The following TMEM108 variants were observed in gnomAD, a reference collection of about 807,000 sequenced individuals.
TMEM108 encodes cancer/testis antigen 124.
Under a neutral mutation model 35.1 loss-of-function variants are expected in TMEM108, and 12 were observed. The ratio of observed to expected loss-of-function variants is 0.34; its 90% CI spans 0.22 to 0.55. The LOEUF (loss-of-function observed/expected upper bound fraction) is 0.55. Among genes scored for constraint, TMEM108 ranks in the 20% least tolerant of loss-of-function variants. The pLI, the probability that TMEM108 is intolerant of heterozygous loss-of-function variation, is 0.89. For synonymous variants in TMEM108, 287 were observed against 308.6 expected, an observed-to-expected ratio of 0.93 and a Z score of 0.73; for missense variants, 680 against 753.3, an observed-to-expected ratio of 0.90 and a Z score of 1.14.
chr3:133,315,090 T>C (rs542599260), intron 3 of TMEM108, among the ~76,000 whole-genome samples: 1 of 152,248 alleles, frequency 6.6e-6, no homozygotes, highest in South Asian at 2.1e-4. Context: ...TTGTAAGAAC[T>C]AAAGATAACA....
intron 3 of TMEM108, among the ~76,000 whole-genome samples, chr3:133,277,114 G>A (rs558737693): frequency 1.3e-5 from 2 of 151,488 alleles, no homozygotes; most frequent in Admixed American, 6.6e-5. Flanking sequence ...TTCTTAGATC[G>A]AACTCTGGAC....
rs148272827 is a variant in TMEM108, at chr3:133,309,682, C to CTTTTTTTTT, written c.41-70042_41-70034dup. ...TAGTTATGCGGGTTTGAGTGAGTTT[C>CTTTTTTTTT]TTTTTTTTTTTTTTTTTTTTTTTTT... On this transcript the variant is annotated intron_variant, in intron 3 of 5. Transcript: ENST00000321871. Among the ~76,000 whole-genome samples the CTTTTTTTTT allele has an allele frequency of 5.3e-4, 37 of 69,194 alleles. 9 individuals carry two copies. The highest frequency in any genetic ancestry group is 8.1e-4 in the Non-Finnish European group (29 of 35,698). 45.4% of individuals were successfully genotyped at this position (69,194 alleles called of 152,430 possible).
At chr3:133,192,815 G>A (rs78697454) in intron 2 of TMEM108, 1,989 of 152,490 alleles carry the variant, frequency 0.013, 20 homozygotes, top group South Asian at 0.019. Flanking sequence ...AATGCATTGG[G>A]AAGCAAGAAA....
chr3:133,293,411 C>T (rs1325936466), intron 3 of TMEM108, among the ~76,000 whole-genome samples: 3 of 150,220 alleles, frequency 2.0e-5, no homozygotes, highest in Non-Finnish European at 4.5e-5. Flanking sequence ...TTACTATGTG[C>T]CAGGTTCTAT....
At chr3:133,109,581 A>C (rs1215379559) in intron 2 of TMEM108, among the ~76,000 whole-genome samples, 2 of 152,352 alleles carry the variant, frequency 1.3e-5, no homozygotes, top group Middle Eastern at 3.4e-3. Context: ...ATTCCTTGGA[A>C]ACTTTATGCA....
intron 2 of TMEM108, among the ~76,000 whole-genome samples, chr3:133,181,976 A>G (rs1945352358): frequency 6.6e-6 from 1 of 152,238 alleles, no homozygotes; most frequent in African/African-American, 2.4e-5. Context: ...GTATGGAGTC[A>G]CAGATATTTT....
At chr3:133,163,371 C>T (rs534178512) in intron 2 of TMEM108, among the ~76,000 whole-genome samples, 10 of 152,306 alleles carry the variant, frequency 6.6e-5, no homozygotes, top group African/African-American at 1.7e-4. Context: ...GGGAACTACA[C>T]GTTTCCCTGG....
chr3:133,110,258 A>G (rs897248330), intron 2 of TMEM108, among the ~76,000 whole-genome samples: 8 of 152,184 alleles, frequency 5.3e-5, no homozygotes, highest in Non-Finnish European at 4.4e-5. Context: ...GGGGAGGAAG[A>G]GAAGGTCACC....
At chr3:133,153,212 TG>T (rs1364191554) in intron 2 of TMEM108, among the ~76,000 whole-genome samples, 1 of 152,096 alleles carries the variant, frequency 6.6e-6, no homozygotes, top group Non-Finnish European at 1.5e-5. Context: ...CCTCATAAAT[TG>T]TTCGATTCCA....
intron 3 of TMEM108, chr3:133,247,793 G>T (rs1357134051): frequency 6.6e-6 from 1 of 152,120 alleles, no homozygotes; most frequent in Non-Finnish European, 1.5e-5. Flanking sequence ...GGAATGAAAA[G>T]ACATGAACCC....
At chr3:133,301,022 A>G (rs1339163199) in intron 3 of TMEM108, among the ~76,000 whole-genome samples, 2 of 136,624 alleles carry the variant, frequency 1.5e-5, no homozygotes, top group African/African-American at 5.6e-5. Context: ...ACACACACAC[A>G]CACACACACA....
chr3:133,102,534 G>T lies in TMEM108; in HGVS notation c.-47+56514G>T, dbSNP rs554083627. On this transcript the variant is annotated intron_variant, in intron 2 of 5. Transcript: ENST00000321871. ...TGTAAGTGCCTATTGTAATTTATTT[G>T]CTTAAAGTCTCCCTAGAATAGACTG... Among the ~76,000 whole-genome samples, 14 of 152,262 alleles carry T rather than the reference G, an allele frequency of 9.2e-5. No individual in the cohort carries two copies. The East Asian group carries it at 2.3e-3, about 25-fold the overall frequency.
At chr3:133,316,395 G>A (rs1350994424) in intron 3 of TMEM108, among the ~76,000 whole-genome samples, 1 of 152,092 alleles carries the variant, frequency 6.6e-6, no homozygotes, top group Non-Finnish European at 1.5e-5. Context: ...TACCCATTGG[G>A]TACCAGTTGT....
At chr3:133,304,014 A>C (rs1280901705) in intron 3 of TMEM108, among the ~76,000 whole-genome samples, 3 of 152,232 alleles carry the variant, frequency 2.0e-5, no homozygotes, top group Non-Finnish European at 4.4e-5. Flanking sequence ...GCTTCAACCC[A>C]TAGTAATATG....
chr3:133,071,892 A>G (rs1444005779), intron 2 of TMEM108, among the ~76,000 whole-genome samples: 1 of 152,150 alleles, frequency 6.6e-6, no homozygotes, highest in Non-Finnish European at 1.5e-5. Context: ...TTCTGATATC[A>G]TATCCAAGAA....
chr3:133,267,808 C>A (rs1056260898), intron 3 of TMEM108, among the ~76,000 whole-genome samples: 1 of 152,166 alleles, frequency 6.6e-6, no homozygotes, highest in Non-Finnish European at 1.5e-5. Context: ...CTTGATAGAC[C>A]TACTCACATG....
intron 3 of TMEM108, among the ~76,000 whole-genome samples, chr3:133,349,864 A>T (rs2071938202): frequency 6.6e-6 from 1 of 152,152 alleles, no homozygotes; most frequent in Non-Finnish European, 1.5e-5. Context: ...CATTATGGAA[A>T]ACAGTATGGA....
At chr3:133,355,061 G>A (rs1430529630) in intron 3 of TMEM108, among the ~76,000 whole-genome samples, 1 of 152,148 alleles carries the variant, frequency 6.6e-6, no homozygotes, top group African/African-American at 2.4e-5. Context: ...GCACCTACAA[G>A]AATTCCATAG....
chr3:133,384,672 C>A (rs887041642), intron 4 of TMEM108, among the ~76,000 whole-genome samples: 1 of 152,200 alleles, frequency 6.6e-6, no homozygotes, highest in African/African-American at 2.4e-5. Flanking sequence ...CAGAGCCCAC[C>A]ACTCTTGCCA....
Sources: gnomAD v4.1 joint callset for allele counts (sites outside exome capture counted in the v4.1 genomes callset) on GRCh38, gnomAD v4.1.1 for gene constraint, MANE v1.5 for transcripts, NCBI Gene and HGNC (gene_info 2026-07-23, HGNC 2026-07-21) for gene names.